TRDN: variants seen among roughly 807,000 people sequenced by gnomAD.
TRDN encodes triadin in skeletal muscle.
TRDN carries 161 observed loss-of-function variants against 149.7 expected under a neutral mutation model. The ratio of observed to expected loss-of-function variants is 1.08; its 90% CI spans 0.95 to 1.23. TRDN has a LOEUF of 1.23. Ranked by LOEUF, TRDN falls within the 50% of genes most tolerant of loss-of-function variation. The probability of loss-of-function intolerance (pLI) is 0.00; values close to 1 mark genes in which losing one functional copy is unlikely to be tolerated. For synonymous variants in TRDN, 294 were observed against 250.5 expected (o/e 1.17, Z -1.64); for missense variants, 896 against 823.5 (o/e 1.09, Z -1.08).
intron 24 of TRDN, among the ~76,000 whole-genome samples, chr6:123,295,333 G>A (rs1778154816): frequency 1.3e-5 from 2 of 152,132 alleles, no homozygotes; most frequent in South Asian, 2.1e-4. Context: ...ATGGACTAGC[G>A]CTGCTCTGCA....
In TRDN at chr6:123,238,032, T is replaced by A. The variant is rs1157430511; in HGVS notation, c.1976-13901A>T. On this transcript the variant is annotated intron_variant, in intron 38 of 40. Transcript: ENST00000334268. ...AGTGTATAATTGGAAGCCTAGATTATGTGACAGAAAAAATAAAAGGCTTTC... is the reference window on the plus strand; with the variant it reads ...AGTGTATAATTGGAAGCCTAGATTAAGTGACAGAAAAAATAAAAGGCTTTC... 2.6e-5 allele frequency among the ~76,000 whole-genome samples: 4 copies of A among 152,140 alleles called. No homozygotes were observed. The East Asian group carries it at 7.7e-4, about 29-fold the overall frequency.
chr6:123,479,570 CACAA>C lies in TRDN; in HGVS notation c.854-14591_854-14588del, dbSNP rs149848310. 8.7e-3 allele frequency among the ~76,000 whole-genome samples: 1,317 copies of C among 152,198 alleles called. 22 individuals carry two copies. The highest frequency in any genetic ancestry group is 0.03 in the African/African-American group (1,252 of 41,518). ...GCAGAGTTCACTGAGAACATTGAAACACAAACAAAATGGATGACTTGCCAAATTC... is the reference window on the plus strand; with the variant it reads ...GCAGAGTTCACTGAGAACATTGAAACACAAAATGGATGACTTGCCAAATTC... On this transcript the variant is annotated intron_variant, in intron 9 of 40. Transcript: ENST00000334268.
rs1300921670 is a variant in TRDN, at chr6:123,334,872, G to A, written c.1420+2747C>T. 3.3e-5 allele frequency among the ~76,000 whole-genome samples: 5 copies of A among 152,016 alleles called. No homozygotes were observed. The East Asian group carries it at 9.6e-4, about 29-fold the overall frequency. On this transcript the variant is annotated intron_variant, in intron 22 of 40. Transcript: ENST00000334268. ...TAATAATGCTGGTTTTAAACTTGAAGCATCATTTTAAAATGAATTTGGATG... is the reference window on the plus strand; with the variant it reads ...TAATAATGCTGGTTTTAAACTTGAAACATCATTTTAAAATGAATTTGGATG...
intron 9 of TRDN, among the ~76,000 whole-genome samples, chr6:123,481,979 A>G (rs895526565): frequency 9.9e-5 from 15 of 152,178 alleles, no homozygotes; most frequent in Admixed American, 9.2e-4. Flanking sequence ...TCACTCTGTT[A>G]AACTATTTCC....
intron 12 of TRDN, among the ~76,000 whole-genome samples, chr6:123,409,257 G>A (rs374616867): frequency 6.6e-6 from 1 of 152,164 alleles, no homozygotes; most frequent in South Asian, 2.1e-4. Context: ...AATATTTACA[G>A]TTTACAAGGC....
chr6:123,508,505 C>T (rs1779029793), intron 7 of TRDN, among the ~76,000 whole-genome samples: 1 of 152,152 alleles, frequency 6.6e-6, no homozygotes, highest in Non-Finnish European at 1.5e-5. Context: ...GTCACACTGA[C>T]ATCCACATCA....
rs188104867 is a variant in TRDN, at chr6:123,526,039, T to C, written c.484+4467A>G. ...TCAGGTGGGCCCAGTTTGTGGTAAT[T>C]TGTTACAGCAGCCACAGAAAACTAG... On this transcript the variant is annotated intron_variant, in intron 5 of 40. Transcript: ENST00000334268. Among the ~76,000 whole-genome samples the C allele has an allele frequency of 1.2e-4, 19 of 152,186 alleles. No individual in the cohort carries two copies. The East Asian group carries it at 3.7e-3, about 29-fold the overall frequency.
intron 8 of TRDN, chr6:123,502,045 T>C (rs996918124): frequency 2.0e-6 from 2 of 983,828 alleles, no homozygotes; most frequent in African/African-American, 3.5e-5. Flanking sequence ...TTTCCAAATA[T>C]AACTGGCATC....
intron 9 of TRDN, among the ~76,000 whole-genome samples, chr6:123,483,235 T>C (rs1162048628): frequency 6.6e-6 from 1 of 151,646 alleles, no homozygotes; most frequent in African/African-American, 2.4e-5. Flanking sequence ...TCCTAGTAGC[T>C]GGGACTACAG....
chr6:123,575,658 G>T (rs1782816180), intron 1 of TRDN, among the ~76,000 whole-genome samples: 2 of 152,002 alleles, frequency 1.3e-5, no homozygotes, highest in African/African-American at 4.8e-5. Context: ...AGCCTCAAAA[G>T]AAGTAGGGAT....
intron 1 of TRDN, 35 bp downstream of exon 1, chr6:123,636,719 C>T (rs776126030): frequency 4.4e-6 from 7 of 1,608,822 alleles, no homozygotes; most frequent in East Asian, 2.2e-5. Flanking sequence ...TATTTTTTTT[C>T]CTTACTTGAT....
At chr6:123,305,728 G>A (rs1327955805) in intron 24 of TRDN, among the ~76,000 whole-genome samples, 1 of 152,070 alleles carries the variant, frequency 6.6e-6, no homozygotes, top group East Asian at 1.9e-4. Flanking sequence ...TCATTGACTG[G>A]ATAATGGCAT....
At chr6:123,247,362 C>T (rs1776220093) in intron 38 of TRDN, among the ~76,000 whole-genome samples, 1 of 152,134 alleles carries the variant, frequency 6.6e-6, no homozygotes, top group Non-Finnish European at 1.5e-5. Flanking sequence ...ATTGTCTCAG[C>T]CCAAAAACTC....
chr6:123,332,060 A>G (rs1779679111), intron 22 of TRDN, 131 bp from the exon 23 acceptor site: 1 of 633,916 alleles, frequency 1.6e-6, no homozygotes, highest in Admixed American at 3.2e-5. Context: ...CACTTTAAAA[A>G]TGGTTTTACT....
In TRDN at chr6:123,261,678, CA is replaced by C. The variant is rs895054669; in HGVS notation, c.1805-1041del. Among the ~76,000 whole-genome samples the C allele has an allele frequency of 1.3e-4, 20 of 148,432 alleles. No individual in the cohort carries two copies. In the South Asian group the frequency reaches 1.9e-3, roughly 14 times the overall value. On this transcript the variant is annotated intron_variant, in intron 33 of 40. Transcript: ENST00000334268. ...ATTTTGAGTAGCTATTTTCAAAATTCAAAAAAAAATTAAAATATTTTATGAC... is the reference window on the plus strand; with the variant it reads ...ATTTTGAGTAGCTATTTTCAAAATTCAAAAAAAATTAAAATATTTTATGAC...
chr6:123,512,827 A>G (rs1262781526), intron 6 of TRDN, among the ~76,000 whole-genome samples: 1 of 152,170 alleles, frequency 6.6e-6, no homozygotes, highest in Non-Finnish European at 1.5e-5. Context: ...ATTAAGTAGT[A>G]AAATATGAGA....
intron 38 of TRDN, among the ~76,000 whole-genome samples, chr6:123,233,524 A>G (rs1187860983): frequency 1.3e-5 from 2 of 152,050 alleles, no homozygotes; most frequent in African/African-American, 2.4e-5. Flanking sequence ...CAATGTCAGA[A>G]CAACTTAACA....
At chr6:123,541,005 G>A (rs1308130342) in intron 4 of TRDN, among the ~76,000 whole-genome samples, 1 of 152,156 alleles carries the variant, frequency 6.6e-6, no homozygotes, top group African/African-American at 2.4e-5. Context: ...TAAGCCATCT[G>A]CAGTCAACTA....
rs1193337985 is a variant in TRDN at position 123,388,563 on chromosome 6, A to G, written c.1106-12T>C. ...CTTCTTAGCTGCTGCTGAAGTAATG[A>G]AAATAGCGTTAAGGCATATGAAATG... On this transcript the variant is annotated splice_polypyrimidine_tract_variant and intron_variant, in intron 13 of 40. Transcript: ENST00000334268. 6.3e-7 allele frequency: 1 copy of G among 1,580,564 alleles called. No homozygotes were observed. The highest frequency in any genetic ancestry group is 8.6e-7 in the Non-Finnish European group (1 of 1,160,806).
Sources: gnomAD v4.1 joint callset for allele counts (sites outside exome capture counted in the v4.1 genomes callset) on GRCh38, gnomAD v4.1.1 for gene constraint, MANE v1.5 for transcripts, NCBI Gene and HGNC (gene_info 2026-07-23, HGNC 2026-07-21) for gene names.